The following SOX6 variants were observed in gnomAD, a reference collection of about 807,000 sequenced individuals.
SOX6 encodes the protein SRY-box transcription factor 6.
In SOX6, 11 loss-of-function variants were observed where a neutral mutation model predicts 97.8. The observed-to-expected ratio is 0.11, with a 90% CI of 0.07 to 0.19. The LOEUF (loss-of-function observed/expected upper bound fraction) is 0.19, where lower values mean the gene tolerates loss of function less well. Among genes scored for constraint, SOX6 ranks in the 10% least tolerant of loss-of-function variants. SOX6 has a pLI of 1.00. For synonymous variants in SOX6, 360 were observed against 371.4 expected, an observed-to-expected ratio of 0.97 and a Z score of 0.35; for missense variants, 810 against 1,039.5, an observed-to-expected ratio of 0.78 and a Z score of 3.04.
chr11:16,318,908 C>T (rs1185040745), intron 2 of SOX6, among the ~76,000 whole-genome samples: 2 of 152,094 alleles, frequency 1.3e-5, no homozygotes, highest in Non-Finnish European at 2.9e-5. Context: ...AACTGTTTAG[C>T]TTTTTAAATA....
intron 3 of SOX6, among the ~76,000 whole-genome samples, chr11:16,688,811 G>C (rs1038404645): frequency 2.0e-5 from 3 of 152,172 alleles, no homozygotes; most frequent in Non-Finnish European, 2.9e-5. Flanking sequence ...TTAAATGCCA[G>C]ACATTGTAAA....
intron 12 of SOX6, among the ~76,000 whole-genome samples, chr11:16,043,735 C>A (rs1479766225): frequency 6.6e-6 from 1 of 152,134 alleles, no homozygotes; most frequent in African/African-American, 2.4e-5. Flanking sequence ...GCACAGATCC[C>A]CCCCTGCTTC....
chr11:16,618,555 A>C (rs960215312), intron 3 of SOX6, among the ~76,000 whole-genome samples: 2 of 151,920 alleles, frequency 1.3e-5, no homozygotes, highest in Non-Finnish European at 2.9e-5. Flanking sequence ...GATTAGGAGG[A>C]TTCCAAAGAA....
At chr11:16,081,062 C>T (rs1350841445) in intron 9 of SOX6, among the ~76,000 whole-genome samples, 1 of 151,886 alleles carries the variant, frequency 6.6e-6, no homozygotes, top group African/African-American at 2.4e-5. Flanking sequence ...GCACTCCAGC[C>T]TGGGCAAGAA....
intron 6 of SOX6, among the ~76,000 whole-genome samples, chr11:16,143,416 A>G (rs955155602): frequency 6.6e-6 from 1 of 152,242 alleles, no homozygotes; most frequent in East Asian, 1.9e-4. Flanking sequence ...TGTAAAGATC[A>G]TCAAGGCTAG....
At chr11:16,567,583 T>TC (rs1847888537) in intron 4 of SOX6, among the ~76,000 whole-genome samples, 1 of 146,644 alleles carries the variant, frequency 6.8e-6, no homozygotes, top group African/African-American at 2.5e-5. Context: ...TTTTTTTTTT[T>TC]TTTGAGACGG....
chr11:16,322,067 T>G (rs1855943957), intron 2 of SOX6, among the ~76,000 whole-genome samples: 1 of 152,144 alleles, frequency 6.6e-6, no homozygotes, highest in African/African-American at 2.4e-5. Flanking sequence ...TATGTAACTT[T>G]AAAGTAAATT....
At chr11:16,113,598 T>C (rs1849279520) in intron 6 of SOX6, among the ~76,000 whole-genome samples, 1 of 152,170 alleles carries the variant, frequency 6.6e-6, no homozygotes, top group Admixed American at 6.5e-5. Context: ...ACAATATTTT[T>C]ATGGGTTACA....
chr11:16,086,683 A>G (rs1848584970), intron 9 of SOX6, among the ~76,000 whole-genome samples: 4 of 152,142 alleles, frequency 2.6e-5, no homozygotes, highest in Admixed American at 2.6e-4. Context: ...GAAACTCTCA[A>G]AAAAACAGGG....
intron 3 of SOX6, among the ~76,000 whole-genome samples, chr11:16,661,489 C>CCACAGGGCAGAGG (rs1847765148): frequency 6.6e-6 from 1 of 152,136 alleles, no homozygotes; most frequent in Non-Finnish European, 1.5e-5. Context: ...TTTCTATGTG[C>CCACAGGGCAGAGG]TGCACCTGTT....
chr11:16,302,434 C>T (rs1480737541), intron 3 of SOX6, among the ~76,000 whole-genome samples: 1 of 152,036 alleles, frequency 6.6e-6, no homozygotes, highest in African/African-American at 2.4e-5. Flanking sequence ...ACCTGGGATT[C>T]CATTATATCT....
At chr11:16,366,717 T>G (rs1373944187) in intron 1 of SOX6, among the ~76,000 whole-genome samples, 1 of 152,176 alleles carries the variant, frequency 6.6e-6, no homozygotes, top group Admixed American at 6.6e-5. Flanking sequence ...TGTTTAACAC[T>G]GAAGCATTTC....
intron 15 of SOX6, among the ~76,000 whole-genome samples, chr11:15,974,400 T>TA (rs1231270676): frequency 6.9e-6 from 1 of 145,672 alleles, no homozygotes. Flanking sequence ...TTTTTTTTTT[T>TA]TTATTATACT....
intron 3 of SOX6, among the ~76,000 whole-genome samples, chr11:16,285,788 C>T (rs1214051213): frequency 6.6e-6 from 1 of 152,078 alleles, no homozygotes; most frequent in African/African-American, 2.4e-5. Context: ...AAAGTTATTT[C>T]AACTATATTA....
chr11:16,000,624 C>G lies in SOX6; in HGVS notation c.1733-11394G>C, dbSNP rs976701122. On this transcript the variant is annotated intron_variant, in intron 13 of 15. Transcript: ENST00000683767. ...GTTTTCATCTTAAGGTTCCTTAGCCCTACTAAAAACAAATCCCTATTTACT... is the reference window on the plus strand; with the variant it reads ...GTTTTCATCTTAAGGTTCCTTAGCCGTACTAAAAACAAATCCCTATTTACT... Among the ~76,000 whole-genome samples, 5 of 152,206 alleles carry G rather than the reference C, an allele frequency of 3.3e-5. No homozygotes were observed. The South Asian group carries it at 1.0e-3, about 32-fold the overall frequency.
intron 3 of SOX6, among the ~76,000 whole-genome samples, chr11:16,641,737 T>C (rs1038863974): frequency 6.6e-5 from 10 of 152,322 alleles, no homozygotes; most frequent in Admixed American, 6.5e-4. Context: ...ACCCCTGCCT[T>C]TTTTTGTTTT....
intron 3 of SOX6, among the ~76,000 whole-genome samples, chr11:16,249,114 A>C (rs1021568859): frequency 6.6e-6 from 1 of 151,906 alleles, no homozygotes; most frequent in Non-Finnish European, 1.5e-5. Context: ...AAAAAGAAAA[A>C]GAAAAAAAAA....
intron 4 of SOX6, among the ~76,000 whole-genome samples, chr11:16,599,881 C>G (rs1848249549): frequency 6.6e-6 from 1 of 151,700 alleles, no homozygotes; most frequent in Admixed American, 6.6e-5. Context: ...CTTAGAGGAG[C>G]AAGAAGAGAT....
chr11:16,249,582 T>A (rs1853447678), intron 3 of SOX6, among the ~76,000 whole-genome samples: 1 of 152,188 alleles, frequency 6.6e-6, no homozygotes, highest in South Asian at 2.1e-4. Flanking sequence ...AGTTCCAAAG[T>A]CACTTCCACA....
Sources: gnomAD v4.1 joint callset for allele counts (sites outside exome capture counted in the v4.1 genomes callset) on GRCh38, gnomAD v4.1.1 for gene constraint, MANE v1.5 for transcripts, NCBI Gene and HGNC (gene_info 2026-07-23, HGNC 2026-07-21) for gene names.